ZNF521: variants seen among roughly 807,000 people sequenced by gnomAD.
ZNF521 encodes the protein zinc finger protein 521, also known as LYST-interacting protein 3.
A neutral mutation model predicts 105.5 loss-of-function variants in ZNF521; 14 were observed. The ratio of observed to expected loss-of-function variants is 0.13; its 90% CI spans 0.09 to 0.21. ZNF521 has a LOEUF of 0.21. ZNF521 is among the 10% of genes least tolerant of loss of function. The pLI, the probability that ZNF521 is intolerant of heterozygous loss-of-function variation, is 1.00. For missense variants in ZNF521, 1,233 were observed against 1,629.7 expected, an observed-to-expected ratio of 0.76 and a Z score of 4.19; for synonymous variants, 635 against 606.0, an observed-to-expected ratio of 1.05 and a Z score of -0.70.
intron 4 of ZNF521, among the ~76,000 whole-genome samples, chr18:25,208,263 T>C (rs1199322805): frequency 6.6e-6 from 1 of 152,242 alleles, no homozygotes; most frequent in African/African-American, 2.4e-5. Context: ...GCAACAACTA[T>C]GTTTGCCTTT....
In ZNF521 at chr18:25,276,730, C is replaced by T. The variant is rs547699232; in HGVS notation, c.220+45278G>A. On this transcript the variant is annotated intron_variant, in intron 3 of 7. Transcript: ENST00000361524. ...TTCCAAAGCCTCGTTCATATGCGCA[C>T]GTCACTTTCTATTTTGTATCTGTGA... Among the ~76,000 whole-genome samples, 4 of 152,312 alleles carry T rather than the reference C, an allele frequency of 2.6e-5. No individual in the cohort carries two copies. The East Asian group carries it at 7.7e-4, about 29-fold the overall frequency.
chr18:25,125,220 A>T (rs1276863623), intron 5 of ZNF521, among the ~76,000 whole-genome samples: 1 of 152,144 alleles, frequency 6.6e-6, no homozygotes, highest in Non-Finnish European at 1.5e-5. Context: ...TTATCTAGCC[A>T]CATGGGAATA....
At chr18:25,166,310 T>C (rs972502458) in intron 5 of ZNF521, among the ~76,000 whole-genome samples, 5 of 152,188 alleles carry the variant, frequency 3.3e-5, no homozygotes, top group Non-Finnish European at 7.3e-5. Context: ...ATAAACAGAA[T>C]GAATTGCTAT....
At chr18:25,211,917 C>G (rs2036186404) in intron 4 of ZNF521, among the ~76,000 whole-genome samples, 3 of 152,222 alleles carry the variant, frequency 2.0e-5, no homozygotes, top group South Asian at 4.2e-4. Context: ...TTATTTTATT[C>G]CATATAGATA....
intron 3 of ZNF521, among the ~76,000 whole-genome samples, chr18:25,292,970 C>G (rs891950117): frequency 6.6e-6 from 1 of 152,140 alleles, no homozygotes; most frequent in East Asian, 1.9e-4. Flanking sequence ...CAGAGATCCC[C>G]AAAGCACAGT....
intron 4 of ZNF521, among the ~76,000 whole-genome samples, chr18:25,203,877 T>A (rs2144661823): frequency 6.6e-6 from 1 of 152,216 alleles, no homozygotes; most frequent in East Asian, 1.9e-4. Context: ...TGATTCCCAA[T>A]GCTGAAAGTG....
At chr18:25,340,468 A>G (rs1914135720) in intron 2 of ZNF521, among the ~76,000 whole-genome samples, 1 of 152,216 alleles carries the variant, frequency 6.6e-6, no homozygotes, top group South Asian at 2.1e-4. Context: ...AAGAAATCAC[A>G]GTGGAAAGTA....
rs1355770694 is a variant in ZNF521, at chr18:25,322,127, C to G, written c.101G>C (p.Arg34Thr). The change falls in exon 3 of 8, where the codon AGG (arginine) becomes ACG (threonine). Residue 34 changes from arginine to threonine, a missense_variant. Physicochemically the swap from Arg to Thr is moderately conservative, Grantham distance 71. This residue lies in a region of ZNF521 where 76 missense variants were observed against 79.3 expected (regional missense o/e 0.96). Coordinates refer to ENST00000361524, the MANE Select transcript of ZNF521 (RefSeq NM_015461.3). ...TTCCAACTCCTCCCCGTCTTCCGGC[C>G]TCTTCTTACAATCTAGTGCCTCTCC... ...EDGEALDCKK[R>T]PEDGEELEDE... 1.2e-6 allele frequency: 2 copies of G among 1,614,222 alleles called. No individual in the cohort carries two copies.
At chr18:25,330,225 G>A (rs759623184) in intron 2 of ZNF521, among the ~76,000 whole-genome samples, 2 of 151,920 alleles carry the variant, frequency 1.3e-5, no homozygotes, top group Non-Finnish European at 2.9e-5. Flanking sequence ...GTGCAGTGGT[G>A]CAATCTCAGT....
chr18:25,125,026 G>C (rs2034512985), intron 5 of ZNF521, among the ~76,000 whole-genome samples: 1 of 152,096 alleles, frequency 6.6e-6, no homozygotes, highest in Admixed American at 6.6e-5. Context: ...ATATAAAAGT[G>C]ATTTCAATTA....
At chr18:25,179,439 A>T (rs1195362728) in intron 5 of ZNF521, among the ~76,000 whole-genome samples, 1 of 150,810 alleles carries the variant, frequency 6.6e-6, no homozygotes, top group Non-Finnish European at 1.5e-5. Context: ...CATTTTACAA[A>T]CTAGTTGTTG....
At chr18:25,255,460 T>C (rs756917386) in intron 3 of ZNF521, among the ~76,000 whole-genome samples, 4 of 152,146 alleles carry the variant, frequency 2.6e-5, no homozygotes, top group Non-Finnish European at 4.4e-5. Context: ...TAAAGTGCTC[T>C]TGGGTTCTCG....
intron 3 of ZNF521, among the ~76,000 whole-genome samples, chr18:25,314,581 G>C (rs781308841): frequency 1.6e-4 from 25 of 152,172 alleles, no homozygotes; most frequent in Non-Finnish European, 3.4e-4. Flanking sequence ...AAGAATATTT[G>C]TAAAGAAGCT....
chr18:25,076,747 C>T (rs946185972), intron 7 of ZNF521, among the ~76,000 whole-genome samples: 9 of 152,146 alleles, frequency 5.9e-5, no homozygotes, highest in Non-Finnish European at 8.8e-5. Flanking sequence ...TTTGTATTGA[C>T]GCTTGAATCT....
In ZNF521 at chr18:25,227,597, A is replaced by G; in HGVS notation, c.321T>C (p.Phe107=). ...TSPSHGEGCD[F]GEEEGGPGLP... ...GCCCAGGGCCACCTTCTTCCTCTCC[A>G]AAATCGCAACCTTCTCCATGGCTAG... Residue 107 remains phenylalanine (F), a synonymous_variant, in exon 4 of 8, where the codon TTT becomes TTC. Transcript: ENST00000361524. The surrounding 1 kb of genome is among the most constrained non-coding windows in gnomAD (Gnocchi z 5.7). 1 of 1,614,140 alleles carries G rather than the reference A, an allele frequency of 6.2e-7. No individual in the cohort carries two copies. The highest frequency in any genetic ancestry group is 8.5e-7 in the Non-Finnish European group (1 of 1,180,006).
At chr18:25,106,525 A>G (rs1194968622) in intron 5 of ZNF521, among the ~76,000 whole-genome samples, 1 of 152,142 alleles carries the variant, frequency 6.6e-6, no homozygotes, top group Non-Finnish European at 1.5e-5. Flanking sequence ...ATAGCAGCAC[A>G]TTACAAACAT....
intron 7 of ZNF521, among the ~76,000 whole-genome samples, chr18:25,074,093 C>T (rs1345978855): frequency 2.0e-5 from 3 of 152,018 alleles, no homozygotes; most frequent in Middle Eastern, 3.2e-3. Context: ...TGTGCACGCG[C>T]ACGGGAATAT....
At chr18:25,098,511 T>TCA (rs1336367262) in intron 5 of ZNF521, among the ~76,000 whole-genome samples, 2 of 151,964 alleles carry the variant, frequency 1.3e-5, no homozygotes, top group Non-Finnish European at 2.9e-5. Context: ...CTTTGATTCT[T>TCA]CCTCTCCCCA....
intron 5 of ZNF521, among the ~76,000 whole-genome samples, chr18:25,093,562 T>A: frequency 6.6e-6 from 1 of 152,174 alleles, no homozygotes; most frequent in South Asian, 2.1e-4. Context: ...GTGAGTAAAA[T>A]CACTCTATTT....
Sources: allele counts gnomAD v4.1 joint callset (sites outside exome capture counted in the v4.1 genomes callset), GRCh38; gene constraint gnomAD v4.1.1; regional missense constraint gnomAD v4.1.1; non-coding constraint Gnocchi (gnomAD v3.1); transcripts MANE v1.5; gene names NCBI Gene and HGNC (gene_info 2026-07-23, HGNC 2026-07-21).